The following CCNB1 variants were observed in gnomAD, a reference collection of about 807,000 sequenced individuals.
CCNB1 encodes G2/mitotic-specific cyclin-B1.
A neutral mutation model predicts 44.4 loss-of-function variants in CCNB1; 26 were observed. That is an observed-to-expected ratio of 0.59 (90% confidence interval 0.43 to 0.81). CCNB1 has a LOEUF of 0.81. CCNB1 is among the 40% of genes least tolerant of loss of function. The pLI is 0.00. For missense variants in CCNB1, 477 were observed against 520.9 expected, an observed-to-expected ratio of 0.92 and a Z score of 0.82; for synonymous variants, 195 against 181.4, an observed-to-expected ratio of 1.08 and a Z score of -0.60.
chr5:69,167,394 GGA>G (rs1472597401), intron 1 of CCNB1, 111 bp downstream of exon 1: 4 of 1,269,060 alleles, frequency 3.2e-6, no homozygotes, highest in Non-Finnish European at 4.5e-6. Context: ...AGCGATTTGG[GGA>G]GGAAGGTGGG....
In CCNB1 at chr5:69,178,045, G is replaced by C; in HGVS notation, c.*414G>C. The stretch of plus-strand genomic sequence containing the variant: ...TATTTTAAAGTAAAAGTCTACCACC[G>C]AATCCCTAGTCCCCCTGTTTTCTGT... On this transcript the variant is annotated 3_prime_UTR_variant, in exon 9 of 9. Transcript: ENST00000256442. The C allele has an allele frequency of 6.5e-6, 1 of 154,004 alleles. No individual in the cohort carries two copies. The allele number at this position is 154,004 out of a possible 1,614,324, so 9.5% of individuals were successfully genotyped here. A position where few individuals can be genotyped will look rare whatever the true frequency, so the allele number is the denominator to read the frequency against.
chr5:69,168,021 T>C lies in CCNB1; in HGVS notation c.135T>C (p.Leu45=), dbSNP rs1034366112. ...SKPGLRPRTA[L]GDIGNKVSEQ... The stretch of plus-strand genomic sequence containing the variant: ...CCGGACTGAGGCCAAGAACAGCTCT[T>C]GGGGACATTGGTAACAAAGTCAGTG... The change falls in exon 2 of 9, where the codon CTT becomes CTC. Residue 45 remains leucine, a synonymous_variant. Transcript: ENST00000256442. 4 of 1,614,068 alleles carry C rather than the reference T, an allele frequency of 2.5e-6. No homozygotes were observed. The highest frequency in any genetic ancestry group is 3.4e-6 in the Non-Finnish European group (4 of 1,180,044).
intron 1 of CCNB1, 77 bp downstream of exon 1, chr5:69,167,360 TC>T (rs942304035): frequency 3.6e-5 from 55 of 1,542,622 alleles, no homozygotes; most frequent in Non-Finnish European, 4.5e-5. Flanking sequence ...TGCGGGAGCC[TC>T]CCGAGCGGGA....
At chr5:69,169,896 C>G (rs1202668998) in intron 3 of CCNB1, among the ~76,000 whole-genome samples, 2 of 150,222 alleles carry the variant, frequency 1.3e-5, no homozygotes, top group Non-Finnish European at 3.0e-5. Context: ...GTGATCCACC[C>G]GCCTCAGCCT....
rs190177420 is a variant in CCNB1, at chr5:69,173,809, A to G, written c.547-442A>G. Among the ~76,000 whole-genome samples, 680 of 151,548 alleles carry G rather than the reference A, an allele frequency of 4.5e-3. 1 individual carries two copies. Among genetic ancestry groups the G allele is most frequent in the Admixed American group, 9.8e-3 (149 of 15,184 alleles). Reference sequence around the variant, plus strand: ...GGTGGGGAGACAGTCTCACTCTGTCACCCAGGCTGGAGTGCAGTGGTGCAA... The same window carrying G: ...GGTGGGGAGACAGTCTCACTCTGTCGCCCAGGCTGGAGTGCAGTGGTGCAA... On this transcript the variant is annotated intron_variant, in intron 4 of 8. Transcript: ENST00000256442.
rs763731070 is a variant in CCNB1 at position 69,168,327 on chromosome 5, C to A, written c.347C>A (p.Ser116Ter). 1.2e-6 allele frequency: 2 copies of A among 1,614,158 alleles called. No individual in the cohort carries two copies. Among genetic ancestry groups the A allele is most frequent in the Non-Finnish European group, 1.7e-6 (2 of 1,180,030 alleles). The change falls in exon 3 of 9, where the codon TCG becomes TAG. Residue 116 changes from serine to a stop codon, truncating the protein, a stop_gained. Transcript: ENST00000256442. LOFTEE classifies it high-confidence loss of function. The part of the protein sequence containing the change: ...EPEPVKEEKL[S>*]PEPILVDTAS... The stretch of plus-strand genomic sequence containing the variant: ...GAGCCTGTTAAAGAAGAAAAACTTT[C>A]GCCTGAGCCTATTTTGGTAAACTTA...
intron 3 of CCNB1, among the ~76,000 whole-genome samples, chr5:69,168,638 T>C (rs545844404): frequency 6.6e-6 from 1 of 152,326 alleles, no homozygotes; most frequent in South Asian, 2.1e-4. Context: ...CTTCAGAATC[T>C]ATGCTTTTAA....
At chr5:69,168,962 T>A (rs1008938178) in intron 3 of CCNB1, among the ~76,000 whole-genome samples, 1 of 152,220 alleles carries the variant, frequency 6.6e-6, no homozygotes, top group African/African-American at 2.4e-5. Context: ...TAGACCTACC[T>A]GTGAAGGAAA....
At chr5:69,174,100 T>C (rs2112055501) in intron 4 of CCNB1, 151 bp from the exon 5 acceptor site, 1 of 627,184 alleles carries the variant, frequency 1.6e-6, no homozygotes, top group Non-Finnish European at 2.7e-6. Flanking sequence ...GTGATGGTGT[T>C]GTTTGTGGTT....
chr5:69,174,346 G>A lies in CCNB1; in HGVS notation c.642G>A (p.Met214Ile), dbSNP rs1466580523. The change falls in exon 5 of 9, where the codon ATG becomes ATA. Residue 214 changes from methionine (M) to isoleucine (I), a missense_variant. Physicochemically the swap from Met to Ile is conservative, Grantham distance 10. Coordinates refer to ENST00000256442, the MANE Select transcript of CCNB1 (RefSeq NM_031966.4). ...TTGACTGGCTAGTACAGGTTCAAAT[G>A]AAATTCAGGTTGTTGCAGGAGACCA... is the stretch of plus-strand genomic sequence containing the variant. The part of the protein sequence containing the change: ...ILIDWLVQVQ[M>I]KFRLLQETMY... The A allele has an allele frequency of 6.2e-7, 1 of 1,614,152 alleles. No individual in the cohort carries two copies. Among genetic ancestry groups the A allele is most frequent in the African/African-American group, 1.3e-5 (1 of 75,056 alleles).
intron 4 of CCNB1, among the ~76,000 whole-genome samples, chr5:69,172,029 A>G (rs954225421): frequency 6.6e-6 from 1 of 152,228 alleles, no homozygotes; most frequent in African/African-American, 2.4e-5. Context: ...CAGCATAAAC[A>G]TAGTAACATA....
rs1364322874 is a variant in CCNB1, at chr5:69,175,337, C to T, written c.943-60C>T. On this transcript the variant is annotated intron_variant, in intron 6 of 8. Transcript: ENST00000256442. ...GTAGTTAAAGATACATATGGGCATGCAGGTTAGTGCCAAAGGAAAATTTTC... is the reference window on the plus strand; with the variant it reads ...GTAGTTAAAGATACATATGGGCATGTAGGTTAGTGCCAAAGGAAAATTTTC... 4.6e-6 allele frequency: 7 copies of T among 1,524,178 alleles called. No individual in the cohort carries two copies. In the African/African-American group the frequency reaches 8.3e-5, roughly 18 times the overall value. The allele number at this position is 1,524,178 out of a possible 1,614,324, so 94.4% of individuals were successfully genotyped here. A position where few individuals can be genotyped will look rare whatever the true frequency, so the allele number is the denominator to read the frequency against.
chr5:69,174,129 A>T, intron 4 of CCNB1, 122 bp from the exon 5 acceptor site: 1 of 764,112 alleles, frequency 1.3e-6, no homozygotes, highest in Non-Finnish European at 2.1e-6. Context: ...GAATAATTGA[A>T]TTAAGAACTG....
chr5:69,174,375 A>G lies in CCNB1; in HGVS notation c.671A>G (p.Tyr224Cys). The G allele has an allele frequency of 6.2e-7, 1 of 1,614,146 alleles. No individual in the cohort carries two copies. Among genetic ancestry groups the G allele is most frequent in the Non-Finnish European group, 8.5e-7 (1 of 1,179,974 alleles). ...TTCAGGTTGTTGCAGGAGACCATGTACATGACTGTCTCCATTATTGATCGG... is the reference window on the plus strand; with the variant it reads ...TTCAGGTTGTTGCAGGAGACCATGTGCATGACTGTCTCCATTATTGATCGG... Reference protein sequence around the residue: ...MKFRLLQETMYMTVSIIDRFM... With the variant: ...MKFRLLQETMCMTVSIIDRFM... Residue 224 changes from tyrosine (Y) to cysteine (C), a missense_variant, in exon 5 of 9, where the codon TAC (tyrosine) becomes TGC (cysteine). Transcript: ENST00000256442.
At chr5:69,167,753 G>A (rs1206438089) in intron 1 of CCNB1, among the ~76,000 whole-genome samples, 155 bp from the exon 2 acceptor site, 1 of 152,082 alleles carries the variant, frequency 6.6e-6, no homozygotes, top group Non-Finnish European at 1.5e-5. Context: ...ACTTGTCACG[G>A]CCGCAGAGTA....
intron 4 of CCNB1, among the ~76,000 whole-genome samples, chr5:69,171,854 G>A (rs1363181384): frequency 2.0e-5 from 3 of 152,194 alleles, no homozygotes; most frequent in African/African-American, 7.2e-5. Context: ...AAGGCATTTT[G>A]TGTTAGTGTG....
chr5:69,171,529 A>G, intron 4 of CCNB1, 77 bp downstream of exon 4: 5 of 1,066,920 alleles, frequency 4.7e-6, no homozygotes, highest in Non-Finnish European at 6.8e-6. Context: ...GTTTATAATA[A>G]TACAAGCAGG....
intron 7 of CCNB1, among the ~76,000 whole-genome samples, chr5:69,175,977 T>C (rs1747576728): frequency 1.1e-5 from 1 of 94,042 alleles, no homozygotes; most frequent in Non-Finnish European, 2.0e-5. Context: ...ACAAAAAATA[T>C]ATAAAATATA....
intron 7 of CCNB1, among the ~76,000 whole-genome samples, chr5:69,176,808 A>C (rs1483286033): frequency 6.6e-6 from 1 of 151,758 alleles, no homozygotes; most frequent in South Asian, 2.1e-4. Context: ...GTGAAACCCT[A>C]TCTCTACTAA....
Sources: gnomAD v4.1 joint callset for allele counts (sites outside exome capture counted in the v4.1 genomes callset) on GRCh38, gnomAD v4.1.1 for gene constraint, MANE v1.5 for transcripts, NCBI Gene and HGNC (gene_info 2026-07-23, HGNC 2026-07-21) for gene names.